MDN1: variants seen among roughly 807,000 people sequenced by gnomAD.
The protein encoded by MDN1 is midasin AAA ATPase 1.
A neutral mutation model predicts 669.2 loss-of-function variants in MDN1; 266 were observed. The ratio of observed to expected loss-of-function variants is 0.40; its 90% CI spans 0.36 to 0.44. The LOEUF (loss-of-function observed/expected upper bound fraction) is 0.44. MDN1 is among the 20% of genes least tolerant of loss of function. MDN1 has a pLI of 1.00. For synonymous variants in MDN1, 2,385 were observed against 2,457.1 expected (o/e 0.97, Z 0.87); for missense variants, 5,940 against 6,754.0 (o/e 0.88, Z 4.22).
At chr6:89,685,713 A>G in intron 70 of MDN1, 114 bp downstream of exon 70, 1 of 1,113,278 alleles carries the variant, frequency 9.0e-7, no homozygotes, top group Admixed American at 2.6e-5. Flanking sequence ...ACATAACTAA[A>G]TGTGTCTTGT....
In MDN1 at chr6:89,714,677, A is replaced by G. The variant is rs753537618; in HGVS notation, c.6935T>C (p.Ile2312Thr). 6.2e-7 allele frequency: 1 copy of G among 1,614,188 alleles called. No homozygotes were observed. ...GGTGCTTGCATCCCCTTCCCCTGAA[A>G]TGTAGATTTCAAGTCCACGATTCCT... ...AMRNRGLEIY[I>T]SGEGDASTPD... Residue 2312 changes from isoleucine (I) to threonine (T), a missense_variant, in exon 46 of 102, where the codon ATT becomes ACT. By Grantham distance (89) the Ile-to-Thr change is moderately conservative. Coordinates refer to ENST00000369393, the MANE Select transcript of MDN1 (RefSeq NM_014611.3).
chr6:89,770,697 T>A (rs1232495810), intron 15 of MDN1, among the ~76,000 whole-genome samples: 1 of 152,078 alleles, frequency 6.6e-6, no homozygotes, highest in Non-Finnish European at 1.5e-5. Context: ...GAGATGGGAT[T>A]TCATCATGTT....
intron 83 of MDN1, among the ~76,000 whole-genome samples, chr6:89,669,223 A>G (rs1193955497): frequency 6.6e-6 from 1 of 152,228 alleles, no homozygotes; most frequent in African/African-American, 2.4e-5. Context: ...GTACAAATGG[A>G]CAAATCCAGC....
At chr6:89,724,971 C>G (rs528815215) in intron 38 of MDN1, among the ~76,000 whole-genome samples, 1 of 152,180 alleles carries the variant, frequency 6.6e-6, no homozygotes, top group Admixed American at 6.5e-5. Flanking sequence ...GGCTGGGGAC[C>G]TTACTTTCTT....
chr6:89,734,691 A>ACGAGAGAGAG (rs370691129), intron 33 of MDN1, among the ~76,000 whole-genome samples: 2 of 112,984 alleles, frequency 1.8e-5, no homozygotes, highest in African/African-American at 3.5e-5. Flanking sequence ...AAAAAAAAAC[A>ACGAGAGAGAG]AGAGAGAGAG....
intron 88 of MDN1, among the ~76,000 whole-genome samples, chr6:89,661,204 T>C (rs771462285): frequency 2.6e-5 from 4 of 152,130 alleles, no homozygotes; most frequent in African/African-American, 4.8e-5. Context: ...AAAGCGAGAA[T>C]AGGACATGAC....
At position 89,695,642 on chromosome 6, in the gene MDN1, A is replaced by G. The variant is rs1812685437; in HGVS notation, c.9734T>C (p.Val3245Ala). Residue 3245 changes from valine to alanine, a missense_variant, in exon 61 of 102, where the codon GTG (valine) becomes GCG (alanine). This residue lies in a region of MDN1 where 2,292 missense variants were observed against 2,638.3 expected (regional missense o/e 0.87). Transcript: ENST00000369393. The surrounding 1 kb of genome is among the most constrained non-coding windows in gnomAD (Gnocchi z 4.1). ...WLPQARFDPAVKREYKLNYVK... is the reference protein window; with the variant it reads ...WLPQARFDPAAKREYKLNYVK... ...GTAATTGAGCTTGTACTCCCTCTTC[A>G]CCGCAGGGTCAAAGCGTGCCTGGGG... is the stretch of plus-strand genomic sequence containing the variant. 8.7e-6 allele frequency: 14 copies of G among 1,608,278 alleles called. No homozygotes were observed. The East Asian group carries it at 3.1e-4, about 36-fold the overall frequency.
chr6:89,801,804 A>C (rs1277903807), intron 2 of MDN1, among the ~76,000 whole-genome samples: 2 of 151,952 alleles, frequency 1.3e-5, no homozygotes, highest in Non-Finnish European at 2.9e-5. Context: ...AGAAAAAAAA[A>C]AAAAAGAATT....
In MDN1 at chr6:89,716,855, A is replaced by G. The variant is rs372132866; in HGVS notation, c.6584-46T>C. The G allele has an allele frequency of 3.3e-5, 49 of 1,496,092 alleles. No homozygotes were observed. In the Middle Eastern group the frequency reaches 8.9e-4, roughly 27 times the overall value. The allele number at this position is 1,496,092 out of a possible 1,614,324, so 92.7% of individuals were successfully genotyped here. ...ATCACCATCCACAGCACTTAACTTC[A>G]AACAAAGAATTAAGTTTATGAAAAG... On this transcript the variant is annotated intron_variant, in intron 43 of 101. Coordinates refer to ENST00000369393, the MANE Select transcript of MDN1 (RefSeq NM_014611.3).
intron 15 of MDN1, among the ~76,000 whole-genome samples, chr6:89,765,923 T>A (rs1817782236): frequency 6.6e-6 from 1 of 152,232 alleles, no homozygotes; most frequent in Non-Finnish European, 1.5e-5. Context: ...CAATTATTAA[T>A]GTCTCTGTTA....
intron 53 of MDN1, among the ~76,000 whole-genome samples, chr6:89,704,690 GA>G (rs1308766983): frequency 1.3e-5 from 2 of 152,126 alleles, no homozygotes; most frequent in Non-Finnish European, 2.9e-5. Flanking sequence ...GGGTTCAAGC[GA>G]TTCTCCTGCC....
chr6:89,707,475 T>C lies in MDN1; in HGVS notation c.7900A>G (p.Thr2634Ala), dbSNP rs768643476. The C allele has an allele frequency of 1.9e-6, 3 of 1,594,284 alleles. No homozygotes were observed. The South Asian group carries it at 3.3e-5, about 18-fold the overall frequency. ...FALLESAANK[T>A]IIYLDREKRV... is the part of the protein sequence containing the mutation. ...TTTTCCCGGTCAAGATATATGATTG[T>C]CCTGGAATGAGATTCAAAAAACGTA... The change falls in exon 52 of 102, where the codon ACA becomes GCA. Residue 2634 changes from threonine (T) to alanine (A), a missense_variant and splice_region_variant. Thr to Ala is a moderately conservative substitution (Grantham distance 58, BLOSUM62 0). Around this residue, in one of 5 missense-constraint regions of MDN1, gnomAD observed 2,292 missense variants for 2,638.3 expected, o/e 0.87. Transcript: ENST00000369393.
chr6:89,721,510 T>C (rs1814821035), intron 40 of MDN1, among the ~76,000 whole-genome samples: 1 of 151,844 alleles, frequency 6.6e-6, no homozygotes, highest in African/African-American at 2.4e-5. Context: ...GTGGAGCAAG[T>C]TTTAAAGAAG....
At chr6:89,805,940 CT>C (rs916399302) in intron 1 of MDN1, among the ~76,000 whole-genome samples, 22 of 149,952 alleles carry the variant, frequency 1.5e-4, no homozygotes, top group African/African-American at 2.9e-4. Flanking sequence ...CTAAAGATAC[CT>C]TTTTTTTTTC....
At chr6:89,783,876 G>A (rs1000636495) in intron 9 of MDN1, among the ~76,000 whole-genome samples, 2 of 152,026 alleles carry the variant, frequency 1.3e-5, no homozygotes, top group African/African-American at 4.8e-5. Flanking sequence ...CAGCTACTCG[G>A]GAGGCTGAGG....
Position 89,738,342 on chromosome 6 carries a change from G to T in MDN1, c.4707C>A (p.Gly1569=). The change falls in exon 33 of 102, where the codon GGC becomes GGA. Residue 1569 remains glycine (G), a synonymous_variant. Coordinates refer to ENST00000369393, the MANE Select transcript of MDN1 (RefSeq NM_014611.3). ...SHNLRPGLCL[G]RIDPKGSDIP... The stretch of plus-strand genomic sequence containing the variant: ...AACTCTCACCTTTAGGATCTATTCT[G>T]CCCAGACACAATCCTGGACGAAGAT... 1.2e-6 allele frequency: 2 copies of T among 1,613,858 alleles called. No homozygotes were observed. Among genetic ancestry groups the T allele is most frequent in the Non-Finnish European group, 1.7e-6 (2 of 1,179,894 alleles).
intron 15 of MDN1, among the ~76,000 whole-genome samples, chr6:89,770,299 G>A (rs563381669): frequency 1.5e-3 from 226 of 151,512 alleles, no homozygotes; most frequent in African/African-American, 5.3e-3. Flanking sequence ...AGCTACTCAG[G>A]AGACTGAGGC....
chr6:89,702,393 T>C (rs879461181), intron 53 of MDN1, among the ~76,000 whole-genome samples: 2 of 152,244 alleles, frequency 1.3e-5, no homozygotes, highest in African/African-American at 2.4e-5. Flanking sequence ...CTGTACCATT[T>C]TGTACTCCGA....
chr6:89,756,404 C>G lies in MDN1; in HGVS notation c.2703-14G>C. 1.6e-6 allele frequency: 2 copies of G among 1,234,286 alleles called. No individual in the cohort carries two copies. The highest frequency in any genetic ancestry group is 2.1e-5 in the Admixed American group (1 of 47,536). 76.5% of individuals were successfully genotyped at this position (1,234,286 alleles called of 1,614,324 possible). On this transcript the variant is annotated splice_polypyrimidine_tract_variant and intron_variant, in intron 19 of 101. Coordinates refer to ENST00000369393, the MANE Select transcript of MDN1 (RefSeq NM_014611.3). Reference sequence around the variant, plus strand: ...AGTTCTGTGAACCTGTAAAACAATACATAATAAACACTTTTTAGGAAGTTA... The same window carrying G: ...AGTTCTGTGAACCTGTAAAACAATAGATAATAAACACTTTTTAGGAAGTTA...
Sources: gnomAD v4.1 joint callset for allele counts (sites outside exome capture counted in the v4.1 genomes callset) on GRCh38, gnomAD v4.1.1 for gene constraint, gnomAD v4.1.1 regional missense constraint, Gnocchi (gnomAD v3.1) non-coding constraint, MANE v1.5 for transcripts, NCBI Gene and HGNC (gene_info 2026-07-23, HGNC 2026-07-21) for gene names.